Variants in IRF4 observed in about 807,000 individuals in gnomAD.
IRF4 encodes lymphocyte-specific interferon regulatory factor.
A neutral mutation model predicts 55.5 loss-of-function variants in IRF4; 13 were observed. That is an observed-to-expected ratio of 0.23 (90% CI 0.15 to 0.37). The LOEUF is 0.37. IRF4 is among the 10% of genes least tolerant of loss of function. The probability of loss-of-function intolerance (pLI) is 1.00; values close to 1 mark genes in which losing one functional copy is unlikely to be tolerated. For synonymous variants in IRF4, 249 were observed against 240.7 expected (o/e 1.03, Z -0.32); for missense variants, 397 against 593.8 (o/e 0.67, Z 3.44).
At chr6:394,336 A>AG (rs1286867367) in intron 2 of IRF4, among the ~76,000 whole-genome samples, 1 of 152,200 alleles carries the variant, frequency 6.6e-6, no homozygotes, top group Admixed American at 6.5e-5. Flanking sequence ...TGGCAGTGAT[A>AG]GGGTCCAAGA....
intron 6 of IRF4, among the ~76,000 whole-genome samples, chr6:399,554 A>C (rs1761349346): frequency 6.6e-6 from 1 of 152,134 alleles, no homozygotes; most frequent in Admixed American, 6.5e-5. Flanking sequence ...ACTATAAAGA[A>C]GGCACCTCTA....
Position 409,378 on chromosome 6 carries a change from A to T in IRF4, c.*1780A>T, listed in dbSNP as rs1761633578. 1.0e-5 allele frequency: 2 copies of T among 199,734 alleles called. No individual in the cohort carries two copies. The highest frequency in any genetic ancestry group is 4.6e-5 in the African/African-American group (2 of 43,474). The allele number at this position is 199,734 out of a possible 1,614,324, so 12.4% of individuals were successfully genotyped here. A position where few individuals can be genotyped will look rare whatever the true frequency, so the allele number is the denominator to read the frequency against. On this transcript the variant is annotated 3_prime_UTR_variant, in exon 9 of 9. Coordinates refer to ENST00000380956, the MANE Select transcript of IRF4 (RefSeq NM_002460.4). ...TCCCAGCCCAAATTCTCCTCTCTAA[A>T]AGTGTCCACAAGAAGGGGTGTTTAT...
Position 397,321 on chromosome 6 carries a change from C to G in IRF4, c.637+69C>G, listed in dbSNP as rs897031384. On this transcript the variant is annotated intron_variant, in intron 5 of 8. Coordinates refer to ENST00000380956, the MANE Select transcript of IRF4 (RefSeq NM_002460.4). ...ATGTGGCCATGGGCCATGGCGAATC[C>G]TGGTCTGTCCTGGGCAGCACCAAAG... 4.5e-6 allele frequency: 7 copies of G among 1,558,522 alleles called. No individual in the cohort carries two copies. In the Admixed American group the frequency reaches 6.8e-5, roughly 15 times the overall value.
In IRF4 at chr6:393,162, G is replaced by T. The variant is rs1452883883; in HGVS notation, c.10G>T (p.Glu4Ter). The T allele has an allele frequency of 6.4e-7, 1 of 1,550,482 alleles. No individual in the cohort carries two copies. Among genetic ancestry groups the T allele is most frequent in the Non-Finnish European group, 8.7e-7 (1 of 1,146,742 alleles). The change falls in exon 2 of 9, where the codon GAG becomes TAG. Residue 4 changes from glutamate (E) to a stop codon, truncating the protein, a stop_gained. Transcript: ENST00000380956. LOFTEE classifies it high-confidence loss of function. The surrounding 1 kb of genome is among the most constrained non-coding windows in gnomAD (Gnocchi z 5.4). Reference sequence around the variant, plus strand: ...GGACGGCACGCGGGGCATGAACCTGGAGGGCGGCGGCCGAGGCGGAGAGTT... The same window carrying T: ...GGACGGCACGCGGGGCATGAACCTGTAGGGCGGCGGCCGAGGCGGAGAGTT... MNL[E>*]GGGRGGEFGM...
chr6:405,134 A>C lies in IRF4; in HGVS notation c.1212+4A>C. 6.6e-7 allele frequency: 1 copy of C among 1,513,888 alleles called. No homozygotes were observed. The highest frequency in any genetic ancestry group is 9.2e-7 in the Non-Finnish European group (1 of 1,088,608). 93.8% of individuals were successfully genotyped at this position (1,513,888 alleles called of 1,614,324 possible). On this transcript the variant is annotated splice_donor_region_variant and intron_variant, in intron 8 of 8. Coordinates refer to ENST00000380956, the MANE Select transcript of IRF4 (RefSeq NM_002460.4). ...AAGAAAGCTCATCACAGCTCACGTG[A>C]GTCCTCAGTTACACTCCTACCATAG...
At position 410,236 on chromosome 6, in the gene IRF4, T is replaced by C; in HGVS notation, c.*2638T>C. 1 of 229,146 alleles carries C rather than the reference T, an allele frequency of 4.4e-6. No individual in the cohort carries two copies. The highest frequency in any genetic ancestry group is 8.7e-6 in the Non-Finnish European group (1 of 115,344). The allele number at this position is 229,146 out of a possible 1,614,324, so 14.2% of individuals were successfully genotyped here. Reference sequence around the variant, plus strand: ...GTCATATGGAAAAAATGTATGTGTCTCCCAGGTGCATTTCTTGGTTTATGT... The same window carrying C: ...GTCATATGGAAAAAATGTATGTGTCCCCCAGGTGCATTTCTTGGTTTATGT... On this transcript the variant is annotated 3_prime_UTR_variant, in exon 9 of 9. Transcript: ENST00000380956.
Position 393,263 on chromosome 6 carries a change from C to A in IRF4, c.111C>A (p.Tyr37Ter). The change falls in exon 2 of 9, where the codon TAC (tyrosine) becomes TAA (stop). Residue 37 changes from tyrosine to a stop codon, truncating the protein, a stop_gained. Transcript: ENST00000380956. LOFTEE classifies it high-confidence loss of function. This position sits in a 1 kb window ranked among gnomAD's most constrained non-coding sequence, Gnocchi z 5.4. ...WLIDQIDSGK[Y>*]PGLVWENEEK... ...TCGACCAGATCGACAGCGGCAAGTACCCCGGGCTGGTGTGGGAGAACGAGG... is the reference window on the plus strand; with the variant it reads ...TCGACCAGATCGACAGCGGCAAGTAACCCGGGCTGGTGTGGGAGAACGAGG... 6.3e-7 allele frequency: 1 copy of A among 1,595,590 alleles called. No individual in the cohort carries two copies. Among genetic ancestry groups the A allele is most frequent in the East Asian group, 2.3e-5 (1 of 44,090 alleles).
chr6:396,533 AC>A (rs1018821014), intron 4 of IRF4, among the ~76,000 whole-genome samples: 1 of 150,726 alleles, frequency 6.6e-6, no homozygotes, highest in Non-Finnish European at 1.5e-5. Context: ...CTGTAAGAGC[AC>A]CCCCCGTCTC....
rs531585583 is a variant in IRF4 at position 410,746 on chromosome 6, G to A, written c.*3148G>A. On this transcript the variant is annotated 3_prime_UTR_variant, in exon 9 of 9. Transcript: ENST00000380956. ...TCCGTTCATTGCTCTCCAGTCACAT[G>A]CCCCCACTTCCCCACAGGTGAAAGT... 2 of 231,832 alleles carry A rather than the reference G, an allele frequency of 8.6e-6. No individual in the cohort carries two copies. Among genetic ancestry groups the A allele is most frequent in the East Asian group, 1.2e-4 (2 of 16,542 alleles). 14.4% of individuals were successfully genotyped at this position (231,832 alleles called of 1,614,324 possible).
At position 407,929 on chromosome 6, in the gene IRF4, G is replaced by C. The variant is rs1445988484; in HGVS notation, c.*331G>C. ...CAGCGGTTGAGGAGAATTGCGGCGA[G>C]ACAAGCATGGAAAATCAGTGACATC... On this transcript the variant is annotated 3_prime_UTR_variant, in exon 9 of 9. Coordinates refer to ENST00000380956, the MANE Select transcript of IRF4 (RefSeq NM_002460.4). 2 of 318,522 alleles carry C rather than the reference G, an allele frequency of 6.3e-6. No homozygotes were observed. The highest frequency in any genetic ancestry group is 4.3e-5 in the African/African-American group (2 of 46,332). The allele number at this position is 318,522 out of a possible 1,614,324, so 19.7% of individuals were successfully genotyped here.
intron 7 of IRF4, among the ~76,000 whole-genome samples, chr6:404,668 G>T (rs1272601194): frequency 3.9e-5 from 6 of 152,204 alleles, no homozygotes; most frequent in African/African-American, 1.4e-4. Context: ...TTGGTCTTTT[G>T]CCATTGCGTG....
At position 407,749 on chromosome 6, in the gene IRF4, C is replaced by A; in HGVS notation, c.*151C>A. 1 of 664,796 alleles carries A rather than the reference C, an allele frequency of 1.5e-6. No homozygotes were observed. The highest frequency in any genetic ancestry group is 2.5e-6 in the Non-Finnish European group (1 of 401,818). The allele number at this position is 664,796 out of a possible 1,614,324, so 41.2% of individuals were successfully genotyped here. ...CGCCTCCTGGGTTCAAGAGACTCTCCTGCCTCAGCCTCCCTGGTAGCTGGG... is the reference window on the plus strand; with the variant it reads ...CGCCTCCTGGGTTCAAGAGACTCTCATGCCTCAGCCTCCCTGGTAGCTGGG... On this transcript the variant is annotated 3_prime_UTR_variant, in exon 9 of 9. Coordinates refer to ENST00000380956, the MANE Select transcript of IRF4 (RefSeq NM_002460.4).
chr6:406,314 C>T (rs535650195), intron 8 of IRF4, among the ~76,000 whole-genome samples: 43 of 152,282 alleles, frequency 2.8e-4, no homozygotes, highest in African/African-American at 8.7e-4. Context: ...GAGGCTGAGG[C>T]GGGCAGATCA....
chr6:401,866 G>T, intron 7 of IRF4, 89 bp downstream of exon 7: 1 of 1,192,822 alleles, frequency 8.4e-7, no homozygotes, highest in Non-Finnish European at 1.2e-6. Flanking sequence ...CCCACCCCAG[G>T]CTGAGGTCTT....
In IRF4 at chr6:391,775, C is replaced by T. The variant is rs1166540449; in HGVS notation, c.-90C>T. 6 of 455,958 alleles carry T rather than the reference C, an allele frequency of 1.3e-5. No individual in the cohort carries two copies. Among genetic ancestry groups the T allele is most frequent in the Admixed American group, 2.4e-5 (1 of 42,548 alleles). 28.2% of individuals were successfully genotyped at this position (455,958 alleles called of 1,614,324 possible). ...TCAGTTTCACCGCTCGATCTTGGGA[C>T]CCACCGCTGCCCTCAGCTCCGAGTC... On this transcript the variant is annotated 5_prime_UTR_variant, in exon 1 of 9. Transcript: ENST00000380956.
rs947178839 is a variant in IRF4, at chr6:407,824, T to A, written c.*226T>A. ...CACCCAAGACAAGTGATTTTCATTG[T>A]AAATATTTGACTTTAGTGAAAGCGT... On this transcript the variant is annotated 3_prime_UTR_variant, in exon 9 of 9. Coordinates refer to ENST00000380956, the MANE Select transcript of IRF4 (RefSeq NM_002460.4). The A allele has an allele frequency of 4.0e-6, 2 of 496,390 alleles. No individual in the cohort carries two copies. Among genetic ancestry groups the A allele is most frequent in the Non-Finnish European group, 7.0e-6 (2 of 285,960 alleles). The allele number at this position is 496,390 out of a possible 1,614,324, so 30.7% of individuals were successfully genotyped here.
At chr6:399,502 T>C (rs76253039) in intron 6 of IRF4, among the ~76,000 whole-genome samples, 1 of 144,368 alleles carries the variant, frequency 6.9e-6, no homozygotes, top group East Asian at 2.0e-4. Flanking sequence ...GTTTTATTTC[T>C]AAAAAAAAAA....
chr6:403,045 C>CA (rs908046526), intron 7 of IRF4, among the ~76,000 whole-genome samples: 11 of 152,270 alleles, frequency 7.2e-5, no homozygotes, highest in South Asian at 4.1e-4. Context: ...CCCCGCACCA[C>CA]AAAAAAATAA....
In IRF4 at chr6:397,170, G is replaced by C. The variant is rs770110760; in HGVS notation, c.555G>C (p.Gln185His). 2 of 1,614,272 alleles carry C rather than the reference G, an allele frequency of 1.2e-6. No homozygotes were observed. Among genetic ancestry groups the C allele is most frequent in the Admixed American group, 3.3e-5 (2 of 60,028 alleles). The change falls in exon 5 of 9, where the codon CAG (glutamine) becomes CAC (histidine). Residue 185 changes from glutamine to histidine, a missense_variant. Around this residue, in one of 3 missense-constraint regions of IRF4, gnomAD observed 341 missense variants for 548.1 expected, o/e 0.62. Coordinates refer to ENST00000380956, the MANE Select transcript of IRF4 (RefSeq NM_002460.4). ...DRSWRDYVPD[Q>H]PHPEIPYQCP... ...GCTGGAGGGACTACGTCCCGGATCA[G>C]CCACACCCGGAAATCCCGTACCAAT...
Sources: allele counts gnomAD v4.1 joint callset (sites outside exome capture counted in the v4.1 genomes callset), GRCh38; gene constraint gnomAD v4.1.1; regional missense constraint gnomAD v4.1.1; non-coding constraint Gnocchi (gnomAD v3.1); transcripts MANE v1.5; gene names NCBI Gene and HGNC (gene_info 2026-07-23, HGNC 2026-07-21).